UTRN: variants seen among roughly 807,000 people sequenced by gnomAD.
UTRN encodes the protein dystrophin-related protein 1.
In UTRN, 283 loss-of-function variants were observed where a neutral mutation model predicts 463.9. The ratio of observed to expected loss-of-function variants is 0.61; its 90% CI spans 0.55 to 0.67. UTRN has a LOEUF of 0.67. Among genes scored for constraint, UTRN ranks in the 30% least tolerant of loss-of-function variants. The pLI, the probability that UTRN is intolerant of heterozygous loss-of-function variation, is 0.00. For synonymous variants in UTRN, 1,442 were observed against 1,431.5 expected (o/e 1.01, Z -0.17); for missense variants, 3,922 against 4,084.3 (o/e 0.96, Z 1.08).
chr6:144,737,445 C>A (rs1789552055), intron 54 of UTRN, among the ~76,000 whole-genome samples: 3 of 152,042 alleles, frequency 2.0e-5, no homozygotes. Context: ...TTGGGACTTT[C>A]AACAGTAAAA....
intron 27 of UTRN, among the ~76,000 whole-genome samples, chr6:144,484,158 T>G (rs1323952452): frequency 6.6e-6 from 1 of 152,150 alleles, no homozygotes; most frequent in Non-Finnish European, 1.5e-5. Context: ...ACACAACCCC[T>G]GGGTCCCTGC....
At chr6:144,306,468 C>T (rs576132544) in intron 2 of UTRN, among the ~76,000 whole-genome samples, 1 of 152,096 alleles carries the variant, frequency 6.6e-6, no homozygotes, top group East Asian at 1.9e-4. Flanking sequence ...TGGTGGTCTT[C>T]AGATGATGGG....
chr6:144,590,301 G>T (rs778195802), intron 51 of UTRN, among the ~76,000 whole-genome samples: 1 of 152,136 alleles, frequency 6.6e-6, no homozygotes, highest in Non-Finnish European at 1.5e-5. Context: ...AAGAAAGATG[G>T]ATTGGGTCAT....
At chr6:144,826,002 TG>T (rs1780142316) in intron 66 of UTRN, among the ~76,000 whole-genome samples, 1 of 62,764 alleles carries the variant, frequency 1.6e-5, no homozygotes, top group Non-Finnish European at 2.9e-5. Flanking sequence ...TGTTGTGGGG[TG>T]GGGGGAGGGG....
chr6:144,540,364 A>C (rs1033714400), intron 45 of UTRN, among the ~76,000 whole-genome samples: 1 of 152,108 alleles, frequency 6.6e-6, no homozygotes, highest in African/African-American at 2.4e-5. Flanking sequence ...GATGGACTCC[A>C]TATCAGTCAT....
Position 144,824,614 on chromosome 6 carries a change from C to CTCTTTT in UTRN, c.9495-2733_9495-2732insCTTTTT, listed in dbSNP as rs1315487327. Among the ~76,000 whole-genome samples, 104 of 30,862 alleles carry CTCTTTT rather than the reference C, an allele frequency of 3.4e-3. 8 individuals are homozygous for CTCTTTT. Among genetic ancestry groups the CTCTTTT allele is most frequent in the African/African-American group, 0.01 (95 of 9,470 alleles). The allele number at this position is 30,862 out of a possible 152,430, so 20.2% of individuals were successfully genotyped here. On this transcript the variant is annotated intron_variant, in intron 66 of 74. Transcript: ENST00000367545. ...TATATATATATATATATATATATATCTTTTTTTTTTTTTTTTTTTTTTTGA... is the reference window on the plus strand; with the variant it reads ...TATATATATATATATATATATATATCTCTTTTTTTTTTTTTTTTTTTTTTTTTTTGA...
At chr6:144,666,016 A>G (rs1780350477) in intron 51 of UTRN, among the ~76,000 whole-genome samples, 1 of 152,150 alleles carries the variant, frequency 6.6e-6, no homozygotes, top group Non-Finnish European at 1.5e-5. Flanking sequence ...TCCCATAACT[A>G]ATTATCAGTA....
At chr6:144,527,856 AT>A (rs1440411914) in intron 41 of UTRN, among the ~76,000 whole-genome samples, 4 of 151,800 alleles carry the variant, frequency 2.6e-5, no homozygotes, top group African/African-American at 9.7e-5. Flanking sequence ...TATGCTGTTT[AT>A]TTCACTCGAG....
intron 6 of UTRN, 26 bp downstream of exon 6, chr6:144,424,104 A>G: frequency 6.2e-7 from 1 of 1,603,624 alleles, no homozygotes; most frequent in Non-Finnish European, 8.5e-7. Flanking sequence ...ATCACTTTTT[A>G]ATAGAGATGG....
In UTRN at chr6:144,852,256, A is replaced by G. The variant is rs1323105331; in HGVS notation, c.*1259A>G. 1 of 152,144 alleles carries G rather than the reference A, an allele frequency of 6.6e-6. No homozygotes were observed. Among genetic ancestry groups the G allele is most frequent in the Admixed American group, 6.6e-5 (1 of 15,254 alleles). The allele number at this position is 152,144 out of a possible 1,614,324, so 9.4% of individuals were successfully genotyped here. On this transcript the variant is annotated 3_prime_UTR_variant, in exon 75 of 75. Transcript: ENST00000367545. The stretch of plus-strand genomic sequence containing the variant: ...CTTAGGTGATGGTACCTCCACCTAC[A>G]TCTTTTTGAGTGCATTCAATTATGT...
rs567088710 is a variant in UTRN, at chr6:144,310,921, G to A, written c.79+19014G>A. Among the ~76,000 whole-genome samples the A allele has an allele frequency of 4.6e-5, 7 of 152,334 alleles. No homozygotes were observed. The East Asian group carries it at 5.8e-4, about 13-fold the overall frequency. ...GTTTCCCAGATGCTCACGACAGATC[G>A]ATCACTTGATGTTGTTTTCAACAGG... is the stretch of plus-strand genomic sequence containing the variant. On this transcript the variant is annotated intron_variant, in intron 2 of 74. Coordinates refer to ENST00000367545, the MANE Select transcript of UTRN (RefSeq NM_007124.3).
chr6:144,495,373 T>A (rs1041520473), intron 33 of UTRN, among the ~76,000 whole-genome samples: 10 of 152,322 alleles, frequency 6.6e-5, no homozygotes, highest in South Asian at 6.2e-4. Context: ...CAGTACACCC[T>A]CCACAGCCGC....
chr6:144,765,917 C>T (rs1398697070), intron 58 of UTRN, among the ~76,000 whole-genome samples: 1 of 151,876 alleles, frequency 6.6e-6, no homozygotes, highest in Non-Finnish European at 1.5e-5. Context: ...GACCTCCACG[C>T]TTCTTTTCTC....
Position 144,782,070 on chromosome 6 carries a change from C to T in UTRN, c.8781C>T (p.Asn2927=), listed in dbSNP as rs750707447. The change falls in exon 61 of 75, where the codon AAC becomes AAT. Residue 2927 remains asparagine (N), a synonymous_variant. Coordinates refer to ENST00000367545, the MANE Select transcript of UTRN (RefSeq NM_007124.3). The stretch of plus-strand genomic sequence containing the variant: ...AGCAAATGCATAAGGACCTGGTCAA[C>T]GTTCCACTCTGTGTTGATATGTGTC... ...GLEQMHKDLV[N]VPLCVDMCLN... The T allele has an allele frequency of 7.4e-6, 12 of 1,613,836 alleles. No individual in the cohort carries two copies. The African/African-American group carries it at 1.1e-4, about 14-fold the overall frequency.
intron 23 of UTRN, among the ~76,000 whole-genome samples, chr6:144,467,468 T>A (rs1005688278): frequency 6.6e-6 from 1 of 152,224 alleles, no homozygotes; most frequent in Non-Finnish European, 1.5e-5. Flanking sequence ...GTAATTGATG[T>A]GTCCGGCCTC....
intron 18 of UTRN, among the ~76,000 whole-genome samples, chr6:144,451,827 A>G (rs1788349437): frequency 6.6e-6 from 1 of 152,332 alleles, no homozygotes; most frequent in Admixed American, 6.5e-5. Flanking sequence ...CTCTATATTA[A>G]CATTATGCTG....
intron 65 of UTRN, among the ~76,000 whole-genome samples, chr6:144,816,816 G>A (rs912454827): frequency 3.1e-4 from 46 of 149,696 alleles, no homozygotes; most frequent in Non-Finnish European, 2.4e-4. Context: ...CTGAGTTGAA[G>A]CAATCTGCCC....
At position 144,458,934 on chromosome 6, in the gene UTRN, A is replaced by G. The variant is rs991347038; in HGVS notation, c.2449A>G (p.Lys817Glu). Residue 817 changes from lysine (K) to glutamate (E), a missense_variant, in exon 20 of 75, where the codon AAG becomes GAG. Lys to Glu is a moderately conservative substitution (Grantham distance 56). Transcript: ENST00000367545. ...TGAGCTTGAAAAGGTCATCAAGACAAAGGAGGAGTGGGTAAAACACACTTC... is the reference window on the plus strand; with the variant it reads ...TGAGCTTGAAAAGGTCATCAAGACAGAGGAGGAGTGGGTAAAACACACTTC... ...LDELEKVIKT[K>E]EEWVKHTSIS... 8.1e-6 allele frequency: 13 copies of G among 1,613,780 alleles called. No homozygotes were observed. In the Admixed American group the frequency reaches 1.8e-4, roughly 23 times the overall value.
Position 144,524,694 on chromosome 6 carries a change from CTGAT to C in UTRN, c.5906+1509_5906+1512del, listed in dbSNP as rs764648180. Among the ~76,000 whole-genome samples the C allele has an allele frequency of 1.1e-4, 17 of 152,190 alleles. No individual in the cohort carries two copies. The South Asian group carries it at 1.2e-3, about 11-fold the overall frequency. On this transcript the variant is annotated intron_variant, in intron 41 of 74. Transcript: ENST00000367545. ...GATGCCCTTTATTTCTTTCTCTTGT[CTGAT>C]TGCTCTGTCTAGGACTTCCGGTACT...
Sources: allele counts gnomAD v4.1 joint callset (sites outside exome capture counted in the v4.1 genomes callset), GRCh38; gene constraint gnomAD v4.1.1; transcripts MANE v1.5; gene names NCBI Gene and HGNC (gene_info 2026-07-23, HGNC 2026-07-21).